Variants in RTN4 observed in about 807,000 individuals in gnomAD.
RTN4 encodes reticulon-4.
A neutral mutation model predicts 90.4 loss-of-function variants in RTN4; 32 were observed. The observed-to-expected ratio is 0.35, with a 90% confidence interval of 0.27 to 0.48. The LOEUF (loss-of-function observed/expected upper bound fraction) is 0.48. Ranked by LOEUF, RTN4 falls within the 20% of genes least tolerant of loss-of-function variation. The pLI, the probability that RTN4 is intolerant of heterozygous loss-of-function variation, is 0.99. For synonymous variants in RTN4, 629 were observed against 552.5 expected (o/e 1.14, Z -1.94); for missense variants, 1,706 against 1,430.2 (o/e 1.19, Z -3.11).
chr2:55,055,852 C>T (rs1409651706), intron 2 of RTN4, among the ~76,000 whole-genome samples: 1 of 151,486 alleles, frequency 6.6e-6, no homozygotes, highest in African/African-American at 2.4e-5. Flanking sequence ...AACACATTTC[C>T]TAATGTCAAA....
intron 6 of RTN4, 86 bp downstream of exon 6, chr2:54,974,609 A>G (rs1677456603): frequency 6.3e-6 from 7 of 1,112,004 alleles, no homozygotes; most frequent in East Asian, 4.7e-5. Context: ...TTTTCATACA[A>G]TGAGAATATT....
Position 55,026,310 on chromosome 2 carries a change from A to T in RTN4, c.1789T>A (p.Cys597Ser). ...GCTTCTGACTCTTCAAATGATGGGC[A>T]AAGCTGTGCTGCAGGATAGAGTGAC... ...QESLYPAAQL[C>S]PSFEESEATP... is the part of the protein sequence containing the mutation. The change falls in exon 3 of 9, where the codon TGC becomes AGC. Residue 597 changes from cysteine to serine, a missense_variant. By Grantham distance (112) the Cys-to-Ser change is moderately radical. Coordinates refer to ENST00000337526, the MANE Select transcript of RTN4 (RefSeq NM_020532.5). 6.2e-7 allele frequency: 1 copy of T among 1,614,004 alleles called. No individual in the cohort carries two copies. Among genetic ancestry groups the T allele is most frequent in the Non-Finnish European group, 8.5e-7 (1 of 1,179,912 alleles).
chr2:55,043,158 CA>C (rs1401938705), intron 1 of RTN4, among the ~76,000 whole-genome samples: 1 of 152,194 alleles, frequency 6.6e-6, no homozygotes, highest in African/African-American at 2.4e-5. Flanking sequence ...CCACAAAGGT[CA>C]CATTCATTCA....
chr2:55,004,293 G>A (rs557434929), intron 3 of RTN4, among the ~76,000 whole-genome samples: 82 of 152,234 alleles, frequency 5.4e-4, no homozygotes, highest in Admixed American at 2.3e-3. Context: ...AACATGGGCC[G>A]TTTTAGCTTA....
chr2:54,978,598 G>C (rs1395428243), intron 5 of RTN4, among the ~76,000 whole-genome samples: 1 of 152,092 alleles, frequency 6.6e-6, no homozygotes, highest in Non-Finnish European at 1.5e-5. Context: ...TGTAAACACA[G>C]AGCTTGATAA....
chr2:55,101,376 A>G (rs1234280859), intron 1 of RTN4, among the ~76,000 whole-genome samples: 3 of 152,152 alleles, frequency 2.0e-5, no homozygotes. Context: ...TTGTAATAAT[A>G]ATTTTAGTGA....
At chr2:55,103,730 T>G (rs1350023859) in intron 1 of RTN4, among the ~76,000 whole-genome samples, 1 of 152,144 alleles carries the variant, frequency 6.6e-6, no homozygotes, top group African/African-American at 2.4e-5. Flanking sequence ...AGTCTCGCTC[T>G]GTTGCCCAGA....
chr2:55,105,057 A>C (rs1667919409), intron 1 of RTN4, among the ~76,000 whole-genome samples: 1 of 150,078 alleles, frequency 6.7e-6, no homozygotes, highest in South Asian at 2.1e-4. Flanking sequence ...TCCACTCACC[A>C]TGTCCTCCCA....
intron 2 of RTN4, among the ~76,000 whole-genome samples, chr2:55,064,278 T>C (rs944807190): frequency 4.0e-5 from 6 of 150,604 alleles, no homozygotes; most frequent in Admixed American, 3.3e-4. Flanking sequence ...AAGAAACATC[T>C]AGAGTCATCC....
At chr2:55,096,456 G>A (rs1669036375) in intron 1 of RTN4, among the ~76,000 whole-genome samples, 1 of 151,952 alleles carries the variant, frequency 6.6e-6, no homozygotes, top group African/African-American at 2.4e-5. Context: ...TCATTCATCA[G>A]GCCTCATCTA....
At position 55,091,829 on chromosome 2, in the gene RTN4, T is replaced by C. The variant is rs571015762; in HGVS notation, c.-213-11190A>G. On this transcript the variant is annotated intron_variant, in intron 1 of 3. Transcript: ENST00000427710. ...CAGGAGGTAAAAGGCATTTCTTACATGGCAGCGGCAAGAGAAAAATAAAAA... is the reference window on the plus strand; with the variant it reads ...CAGGAGGTAAAAGGCATTTCTTACACGGCAGCGGCAAGAGAAAAATAAAAA... 7.2e-4 allele frequency among the ~76,000 whole-genome samples: 83 copies of C among 115,458 alleles called. No individual in the cohort carries two copies. The Middle Eastern group carries it at 0.016, about 22-fold the overall frequency. 75.7% of individuals were successfully genotyped at this position (115,458 alleles called of 152,430 possible).
At chr2:55,080,614 G>C (rs1668693571) in exon 2 of RTN4, 1 of 152,012 alleles carries the variant, frequency 6.6e-6, no homozygotes, top group Admixed American at 6.5e-5. Context: ...ATCCAGAATA[G>C]TCTTGTTATT....
intron 1 of RTN4, among the ~76,000 whole-genome samples, chr2:55,033,690 C>A (rs1403645196): frequency 6.6e-6 from 1 of 152,044 alleles, no homozygotes; most frequent in Non-Finnish European, 1.5e-5. Flanking sequence ...GTGTTCTTGG[C>A]CATGAGTTCA....
In RTN4 at chr2:55,025,951, A is replaced by C; in HGVS notation, c.2148T>G (p.Ser716=). 1.2e-6 allele frequency: 2 copies of C among 1,613,176 alleles called. No individual in the cohort carries two copies. Among genetic ancestry groups the C allele is most frequent in the Non-Finnish European group, 1.7e-6 (2 of 1,179,796 alleles). ...KLSAEPAPDF[S]DYSEMAKVEQ... ...CAACTTTTGCCATTTCTGAATAATCAGAGAAATCCGGAGCTGGTTCAGCAG... is the reference window on the plus strand; with the variant it reads ...CAACTTTTGCCATTTCTGAATAATCCGAGAAATCCGGAGCTGGTTCAGCAG... Residue 716 remains serine, a synonymous_variant, in exon 3 of 9, where the codon TCT becomes TCG. Coordinates refer to ENST00000337526, the MANE Select transcript of RTN4 (RefSeq NM_020532.5).
At chr2:55,056,441 G>C (rs965796315) in intron 2 of RTN4, 1 of 152,128 alleles carries the variant, frequency 6.6e-6, no homozygotes, top group East Asian at 1.9e-4. Flanking sequence ...TACATGAAAA[G>C]GTGAGCCGGC....
intron 3 of RTN4, among the ~76,000 whole-genome samples, chr2:55,001,348 G>C (rs917333545): frequency 6.6e-6 from 1 of 152,144 alleles, no homozygotes; most frequent in Non-Finnish European, 1.5e-5. Flanking sequence ...GATGGTTTGT[G>C]ATTTAAAAAA....
At chr2:55,115,356 T>G (rs2105072048), upstream of RTN4, among the ~76,000 whole-genome samples, 1 of 152,358 alleles carries the variant, frequency 6.6e-6, no homozygotes, top group East Asian at 1.9e-4. Context: ...CAGCAATAGC[T>G]GGTTGAGTCT....
chr2:54,997,271 G>T (rs558969885), intron 3 of RTN4, among the ~76,000 whole-genome samples: 1 of 152,196 alleles, frequency 6.6e-6, no homozygotes, highest in African/African-American at 2.4e-5. Context: ...ACATCATTTA[G>T]TCATTATAAA....
At chr2:55,019,741 G>C (rs1412071971) in intron 3 of RTN4, among the ~76,000 whole-genome samples, 1 of 152,104 alleles carries the variant, frequency 6.6e-6, no homozygotes, top group African/African-American at 2.4e-5. Context: ...GAGCAAGAGA[G>C]AAATAAAGGA....
Sources: allele counts gnomAD v4.1 joint callset (sites outside exome capture counted in the v4.1 genomes callset), GRCh38; gene constraint gnomAD v4.1.1; transcripts MANE v1.5; gene names NCBI Gene and HGNC (gene_info 2026-07-23, HGNC 2026-07-21).